Variants in SNTB2 observed in about 807,000 individuals in gnomAD.
The protein encoded by SNTB2 is beta-2-syntrophin.
Under a neutral mutation model 46.2 loss-of-function variants are expected in SNTB2, and 34 were observed. That is an observed-to-expected ratio of 0.74 (90% confidence interval 0.56 to 0.98). The LOEUF is 0.98. SNTB2 is among the 50% of genes least tolerant of loss of function. The pLI is 0.00. For synonymous variants in SNTB2, 290 were observed against 312.6 expected (o/e 0.93, Z 0.76); for missense variants, 603 against 731.4 (o/e 0.82, Z 2.02).
chr16:69,281,894 T>C (rs1046666062), intron 4 of SNTB2, among the ~76,000 whole-genome samples: 1 of 147,828 alleles, frequency 6.8e-6, no homozygotes. Flanking sequence ...TTGAATCACA[T>C]TTGTTTCTCT....
chr16:69,197,363 G>A (rs1418922003), intron 1 of SNTB2, among the ~76,000 whole-genome samples: 1 of 152,134 alleles, frequency 6.6e-6, no homozygotes, highest in African/African-American at 2.4e-5. Flanking sequence ...CATGTCTAGA[G>A]AGCAAAGACT....
At chr16:69,223,048 T>C (rs1964422250) in intron 1 of SNTB2, among the ~76,000 whole-genome samples, 1 of 151,952 alleles carries the variant, frequency 6.6e-6, no homozygotes, top group Non-Finnish European at 1.5e-5. Context: ...CCTCCTGAAG[T>C]ACTTGTGAGC....
chr16:69,280,856 GGCGCAGTCT>G (rs2143149601), intron 4 of SNTB2, among the ~76,000 whole-genome samples: 1 of 150,226 alleles, frequency 6.7e-6, no homozygotes, highest in South Asian at 2.1e-4. Context: ...GCAGTGCAGT[GGCGCAGTCT>G]TGGCTCACTG....
intron 2 of SNTB2, among the ~76,000 whole-genome samples, chr16:69,258,605 CTT>C (rs67116274): frequency 2.3e-3 from 194 of 83,460 alleles, no homozygotes; most frequent in Middle Eastern, 0.012. Flanking sequence ...CTTGTTCTTT[CTT>C]TTTTTTTTTT....
chr16:69,265,775 C>T (rs1033769540), intron 3 of SNTB2, among the ~76,000 whole-genome samples: 3 of 148,420 alleles, frequency 2.0e-5, no homozygotes, highest in South Asian at 2.1e-4. Context: ...TGCAGTGAGC[C>T]GAGATTGCAC....
intron 5 of SNTB2, among the ~76,000 whole-genome samples, chr16:69,296,212 A>G (rs919653685): frequency 2.4e-4 from 36 of 151,586 alleles, no homozygotes; most frequent in African/African-American, 7.5e-4. Flanking sequence ...CCCAGGAGGC[A>G]GAGGTTGTGG....
chr16:69,299,149 T>C (rs867119081), intron 5 of SNTB2, among the ~76,000 whole-genome samples: 2 of 150,670 alleles, frequency 1.3e-5, no homozygotes, highest in Admixed American at 1.3e-4. Context: ...CACACTTCTT[T>C]TTTTTTTTTT....
chr16:69,245,681 C>T lies in SNTB2; in HGVS notation c.660C>T (p.Pro220=), dbSNP rs368759857. 1.2e-6 allele frequency: 2 copies of T among 1,613,908 alleles called. No homozygotes were observed. Among genetic ancestry groups the T allele is most frequent in the African/African-American group, 1.3e-5 (1 of 74,850 alleles). Reference sequence around the variant, plus strand: ...ATCTGCCGTGGGAAGGTGCAGCCCCCCAGTCACCAAGCTTTAGTGGCAGTG... The same window carrying T: ...ATCTGCCGTGGGAAGGTGCAGCCCCTCAGTCACCAAGCTTTAGTGGCAGTG... The part of the protein sequence containing the change: ...VSDLPWEGAA[P]QSPSFSGSED... Residue 220 remains proline, a synonymous_variant, in exon 2 of 7, where the codon CCC becomes CCT. Transcript: ENST00000336278.
Position 69,260,264 on chromosome 16 carries a change from G to T in SNTB2, c.1005+4G>T. ...TATTGCCTGGCTGGCAGAACAGGTAGGCTGGGAGGCAGGGCAGAGTATCAC... is the reference window on the plus strand; with the variant it reads ...TATTGCCTGGCTGGCAGAACAGGTATGCTGGGAGGCAGGGCAGAGTATCAC... On this transcript the variant is annotated splice_donor_region_variant and intron_variant, in intron 3 of 6. Transcript: ENST00000336278. 1 of 1,613,860 alleles carries T rather than the reference G, an allele frequency of 6.2e-7. No homozygotes were observed. Among genetic ancestry groups the T allele is most frequent in the Non-Finnish European group, 8.5e-7 (1 of 1,179,884 alleles).
In SNTB2 at chr16:69,207,154, C is replaced by CT. The variant is rs1555497921; in HGVS notation, c.580+19424dup. On this transcript the variant is annotated intron_variant, in intron 1 of 6. Transcript: ENST00000336278. ...TCCTTTTCTTTTCTTTTCTTTCTTT[C>CT]TTTTTTTTTTTTTTTTGAGAGATGG... Among the ~76,000 whole-genome samples, 875 of 126,430 alleles carry CT rather than the reference C, an allele frequency of 6.9e-3. 3 individuals carry two copies. The highest frequency in any genetic ancestry group is 0.015 in the African/African-American group (517 of 33,796). The allele number at this position is 126,430 out of a possible 152,430, so 82.9% of individuals were successfully genotyped here. A position where few individuals can be genotyped will look rare whatever the true frequency, so the allele number is the denominator to read the frequency against.
At chr16:69,264,820 C>A (rs1421436223) in intron 3 of SNTB2, among the ~76,000 whole-genome samples, 4 of 151,996 alleles carry the variant, frequency 2.6e-5, no homozygotes, top group Non-Finnish European at 4.4e-5. Context: ...CAAGCCAAAA[C>A]TGAGAAAGAA....
intron 1 of SNTB2, among the ~76,000 whole-genome samples, chr16:69,226,901 T>C (rs1964464204): frequency 6.6e-6 from 1 of 152,202 alleles, no homozygotes. Flanking sequence ...AAGCTTATAA[T>C]TGTTTACTAA....
intron 1 of SNTB2, among the ~76,000 whole-genome samples, chr16:69,218,559 T>C (rs1345576027): frequency 3.9e-5 from 6 of 151,942 alleles, no homozygotes; most frequent in African/African-American, 1.4e-4. Context: ...GTAGCTGGGA[T>C]TACAGGCGCC....
intron 1 of SNTB2, among the ~76,000 whole-genome samples, chr16:69,233,938 C>T (rs915327448): frequency 6.6e-6 from 1 of 152,104 alleles, no homozygotes; most frequent in Non-Finnish European, 1.5e-5. Flanking sequence ...GATTGTGCCC[C>T]TGCAGTCCCG....
chr16:69,232,745 C>T (rs562166609), intron 1 of SNTB2, among the ~76,000 whole-genome samples: 3 of 148,776 alleles, frequency 2.0e-5, no homozygotes, highest in Non-Finnish European at 3.0e-5. Context: ...TTCTTGACTT[C>T]GTGATCCGCC....
chr16:69,247,719 G>C (rs1964684580), intron 2 of SNTB2, among the ~76,000 whole-genome samples: 1 of 152,088 alleles, frequency 6.6e-6, no homozygotes, highest in Admixed American at 6.6e-5. Context: ...TTAAAAAAAG[G>C]GATAATGGTA....
chr16:69,288,356 C>G (rs1211442428), intron 5 of SNTB2, among the ~76,000 whole-genome samples: 8 of 152,128 alleles, frequency 5.3e-5, no homozygotes, highest in Non-Finnish European at 1.2e-4. Context: ...AGAGTGAGAG[C>G]CAGCTGGTTC....
chr16:69,223,042 C>T (rs990897238), intron 1 of SNTB2, among the ~76,000 whole-genome samples: 1 of 152,008 alleles, frequency 6.6e-6, no homozygotes, highest in African/African-American at 2.4e-5. Flanking sequence ...CCTCGGCCTC[C>T]TGAAGTACTT....
chr16:69,243,853 A>G (rs1179426389), intron 1 of SNTB2, among the ~76,000 whole-genome samples: 1 of 152,246 alleles, frequency 6.6e-6, no homozygotes, highest in Admixed American at 6.5e-5. Flanking sequence ...GCACAGAGAT[A>G]TACTACATCT....
Sources: allele counts gnomAD v4.1 joint callset (sites outside exome capture counted in the v4.1 genomes callset), GRCh38; gene constraint gnomAD v4.1.1; transcripts MANE v1.5; gene names NCBI Gene and HGNC (gene_info 2026-07-23, HGNC 2026-07-21).